Variants in SCMH1 observed in about 807,000 individuals in gnomAD.
The protein encoded by SCMH1 is Scm polycomb group protein homolog 1.
Under a neutral mutation model 70.8 loss-of-function variants are expected in SCMH1, and 37 were observed. That is an observed-to-expected ratio of 0.52 (90% CI 0.40 to 0.69). The LOEUF is 0.69. Ranked by LOEUF, SCMH1 falls within the 30% of genes least tolerant of loss-of-function variation. SCMH1 has a pLI of 0.00. For missense variants in SCMH1, 607 were observed against 827.3 expected (o/e 0.73, Z 3.27); for synonymous variants, 292 against 307.4 (o/e 0.95, Z 0.52).
At chr1:41,131,023 T>A (rs1450482503) in intron 6 of SCMH1, among the ~76,000 whole-genome samples, 2 of 152,206 alleles carry the variant, frequency 1.3e-5, no homozygotes, top group Admixed American at 1.3e-4. Flanking sequence ...TCGAAGAGTT[T>A]TCTCATTTTA....
chr1:41,161,598 C>G (rs1295795977), intron 2 of SCMH1, 166 bp from the exon 3 acceptor site: 20 of 715,124 alleles, frequency 2.8e-5, no homozygotes, highest in Non-Finnish European at 2.1e-6. Flanking sequence ...ATGTAAAAAG[C>G]CTTGGCATTG....
At chr1:41,157,164 G>A (rs183493299) in intron 4 of SCMH1, among the ~76,000 whole-genome samples, 1 of 152,006 alleles carries the variant, frequency 6.6e-6, no homozygotes, top group Admixed American at 6.6e-5. Flanking sequence ...ATATTGCCCA[G>A]ACTCAATTTC....
chr1:41,197,174 T>A (rs563042443), intron 1 of SCMH1, among the ~76,000 whole-genome samples: 52 of 152,250 alleles, frequency 3.4e-4, no homozygotes, highest in Admixed American at 5.2e-4. Flanking sequence ...TATCATATGA[T>A]CCAGCAATTC....
intron 6 of SCMH1, among the ~76,000 whole-genome samples, chr1:41,124,245 T>G (rs1326315200): frequency 1.3e-5 from 2 of 152,072 alleles, no homozygotes; most frequent in Non-Finnish European, 2.9e-5. Flanking sequence ...TTACGACACT[T>G]CACCCCTAAA....
chr1:41,223,496 G>T (rs1432674898), intron 1 of SCMH1, among the ~76,000 whole-genome samples: 2 of 151,624 alleles, frequency 1.3e-5, no homozygotes, highest in African/African-American at 4.8e-5. Context: ...ATATTTGTGT[G>T]AGAGTCGTAA....
At chr1:41,158,661 G>A (rs531101246) in intron 4 of SCMH1, among the ~76,000 whole-genome samples, 1 of 152,282 alleles carries the variant, frequency 6.6e-6, no homozygotes, top group East Asian at 1.9e-4. Flanking sequence ...CAAATATACT[G>A]TATTACTGAG....
At chr1:41,079,247 AGCAAAAT>A (rs920571301) in intron 8 of SCMH1, among the ~76,000 whole-genome samples, 29 of 152,294 alleles carry the variant, frequency 1.9e-4, no homozygotes, top group African/African-American at 6.7e-4. Flanking sequence ...AAAACAAAAA[AGCAAAAT>A]GCAAAATGTT....
intron 1 of SCMH1, among the ~76,000 whole-genome samples, chr1:41,195,199 G>A (rs376911643): frequency 1.1e-4 from 17 of 149,638 alleles, no homozygotes; most frequent in African/African-American, 4.2e-4. Flanking sequence ...AGGCCGTGTG[G>A]CCTCTATTGA....
intron 10 of SCMH1, among the ~76,000 whole-genome samples, chr1:41,057,737 A>G (rs1650928431): frequency 6.6e-6 from 1 of 152,238 alleles, no homozygotes; most frequent in Admixed American, 6.5e-5. Context: ...AATAAACTAG[A>G]CAGCGTGCAA....
At chr1:41,038,262 G>C (rs1334941608) in intron 12 of SCMH1, among the ~76,000 whole-genome samples, 1 of 152,190 alleles carries the variant, frequency 6.6e-6, no homozygotes, top group African/African-American at 2.4e-5. Context: ...TTACCGTGAT[G>C]TTTCTATACC....
At chr1:41,134,644 A>C (rs1350266655) in intron 6 of SCMH1, among the ~76,000 whole-genome samples, 1 of 152,196 alleles carries the variant, frequency 6.6e-6, no homozygotes, top group Non-Finnish European at 1.5e-5. Context: ...AGAAGTTCTT[A>C]ATTTTGACAA....
chr1:41,083,328 G>GT (rs1021715703), intron 8 of SCMH1, among the ~76,000 whole-genome samples: 12 of 151,942 alleles, frequency 7.9e-5, no homozygotes, highest in African/African-American at 2.9e-4. Context: ...TTATAAACCA[G>GT]TATCAGACAA....
chr1:41,233,012 A>C (rs1479926656), intron 1 of SCMH1, among the ~76,000 whole-genome samples: 1 of 152,150 alleles, frequency 6.6e-6, no homozygotes, highest in Non-Finnish European at 1.5e-5. Context: ...CCAGTTTTTG[A>C]CCCTCGACAA....
At chr1:41,181,774 T>C (rs1463147265) in intron 2 of SCMH1, among the ~76,000 whole-genome samples, 6 of 152,216 alleles carry the variant, frequency 3.9e-5, no homozygotes, top group Admixed American at 3.3e-4. Context: ...GTTCAACCCT[T>C]GTGGAAGTCA....
chr1:41,058,564 T>C (rs992519243), intron 10 of SCMH1, among the ~76,000 whole-genome samples: 9 of 152,020 alleles, frequency 5.9e-5, no homozygotes, highest in African/African-American at 2.2e-4. Context: ...GTATATTTAG[T>C]AGAGACGGGG....
intron 10 of SCMH1, among the ~76,000 whole-genome samples, chr1:41,069,508 T>C (rs1478128020): frequency 2.0e-5 from 3 of 152,202 alleles, no homozygotes; most frequent in Non-Finnish European, 4.4e-5. Flanking sequence ...TGAATGTGTA[T>C]AACTGACACA....
chr1:41,147,792 T>C (rs1401831808), intron 5 of SCMH1, among the ~76,000 whole-genome samples: 1 of 152,180 alleles, frequency 6.6e-6, no homozygotes, highest in Non-Finnish European at 1.5e-5. Context: ...ACTTTGATAT[T>C]AATATAGCCA....
At chr1:41,054,424 T>A (rs1649465230) in intron 10 of SCMH1, among the ~76,000 whole-genome samples, 2 of 152,168 alleles carry the variant, frequency 1.3e-5, no homozygotes, top group South Asian at 4.1e-4. Flanking sequence ...CCCCCAGGAC[T>A]TGCAGAATTT....
At chr1:41,074,648 C>T (rs1225477835) in intron 9 of SCMH1, among the ~76,000 whole-genome samples, 1 of 152,154 alleles carries the variant, frequency 6.6e-6, no homozygotes, top group African/African-American at 2.4e-5. Flanking sequence ...CTTCCATGTA[C>T]ACTAGACCAG....
Sources: allele counts gnomAD v4.1 joint callset (sites outside exome capture counted in the v4.1 genomes callset), GRCh38; gene constraint gnomAD v4.1.1; transcripts MANE v1.5; gene names NCBI Gene and HGNC (gene_info 2026-07-23, HGNC 2026-07-21).